CNTNAP2: variants seen among roughly 807,000 people sequenced by gnomAD.
The protein encoded by CNTNAP2 is contactin-associated protein-like 2.
CNTNAP2 carries 98 observed loss-of-function variants against 155.2 expected under a neutral mutation model. That is an observed-to-expected ratio of 0.63 (90% CI 0.54 to 0.75). The LOEUF (loss-of-function observed/expected upper bound fraction) is 0.75. Ranked by LOEUF, CNTNAP2 falls within the 30% of genes least tolerant of loss-of-function variation. The pLI, the probability that CNTNAP2 is intolerant of heterozygous loss-of-function variation, is 0.00. For missense variants in CNTNAP2, 1,727 were observed against 1,688.1 expected (o/e 1.02, Z -0.40); for synonymous variants, 651 against 631.2 (o/e 1.03, Z -0.47).
At chr7:146,304,095 CTT>C (rs550435247) in intron 1 of CNTNAP2, among the ~76,000 whole-genome samples, 20 of 132,486 alleles carry the variant, frequency 1.5e-4, no homozygotes, top group Admixed American at 3.8e-4. Flanking sequence ...GCAAACCCTG[CTT>C]TTTTTTTTTT....
chr7:147,550,873 A>G (rs1431935227), intron 11 of CNTNAP2, among the ~76,000 whole-genome samples: 1 of 152,236 alleles, frequency 6.6e-6, no homozygotes, highest in Non-Finnish European at 1.5e-5. Context: ...GATATAGTAT[A>G]TACGTTTGTG....
chr7:148,026,278 G>A (rs1433921030), intron 15 of CNTNAP2, among the ~76,000 whole-genome samples: 5 of 151,870 alleles, frequency 3.3e-5, no homozygotes, highest in East Asian at 1.9e-4. Context: ...GTGAGGCCTC[G>A]TCTCTACAAA....
chr7:148,068,644 G>A (rs1355631386), intron 15 of CNTNAP2, among the ~76,000 whole-genome samples: 1 of 152,200 alleles, frequency 6.6e-6, no homozygotes, highest in Non-Finnish European at 1.5e-5. Context: ...TTCATGAGGT[G>A]AGACCAGCAC....
At chr7:146,896,258 A>G (rs911836528) in intron 3 of CNTNAP2, among the ~76,000 whole-genome samples, 2 of 152,000 alleles carry the variant, frequency 1.3e-5, no homozygotes, top group East Asian at 1.9e-4. Context: ...ATCACCCCCA[A>G]CCCATTCCAA....
intron 15 of CNTNAP2, among the ~76,000 whole-genome samples, chr7:148,056,921 C>T (rs1404786865): frequency 1.3e-5 from 2 of 152,128 alleles, no homozygotes; most frequent in Non-Finnish European, 2.9e-5. Flanking sequence ...TTTTAGAGCC[C>T]AATCCTCATG....
chr7:147,392,650 C>T (rs552834434), intron 9 of CNTNAP2, among the ~76,000 whole-genome samples: 1 of 152,010 alleles, frequency 6.6e-6, no homozygotes, highest in Non-Finnish European at 1.5e-5. Context: ...GGATAATAGT[C>T]TCTAGTCCCA....
intron 13 of CNTNAP2, among the ~76,000 whole-genome samples, chr7:147,827,296 C>T (rs1054499578): frequency 4.6e-5 from 7 of 152,122 alleles, no homozygotes; most frequent in Admixed American, 2.6e-4. Context: ...CCTGACTTCC[C>T]TCTGCATGGT....
At chr7:148,204,965 T>C (rs1427876217) in intron 18 of CNTNAP2, among the ~76,000 whole-genome samples, 1 of 152,220 alleles carries the variant, frequency 6.6e-6, no homozygotes, top group Non-Finnish European at 1.5e-5. Flanking sequence ...TTAAATGAGA[T>C]AAAAAGTGCC....
intron 1 of CNTNAP2, among the ~76,000 whole-genome samples, chr7:146,733,749 C>T (rs943289389): frequency 2.6e-5 from 4 of 151,922 alleles, no homozygotes; most frequent in Non-Finnish European, 5.9e-5. Flanking sequence ...AGGAGCCAGA[C>T]AAGACTTGAG....
At chr7:147,024,839 A>C (rs1798873876) in intron 3 of CNTNAP2, among the ~76,000 whole-genome samples, 1 of 152,152 alleles carries the variant, frequency 6.6e-6, no homozygotes, top group Admixed American at 6.5e-5. Context: ...GGAAACTGTC[A>C]ATCATGGCGG....
At chr7:147,023,794 A>G (rs576061046) in intron 3 of CNTNAP2, among the ~76,000 whole-genome samples, 22 of 152,318 alleles carry the variant, frequency 1.4e-4, no homozygotes, top group African/African-American at 5.1e-4. Flanking sequence ...TGGAGATGTA[A>G]TTGAGTCCTC....
chr7:147,904,007 T>C (rs1451966456), intron 14 of CNTNAP2, among the ~76,000 whole-genome samples: 1 of 152,150 alleles, frequency 6.6e-6, no homozygotes, highest in East Asian at 1.9e-4. Flanking sequence ...GTGATTTGCA[T>C]TATAAAATGT....
chr7:148,287,771 T>C (rs1355720996), intron 21 of CNTNAP2, among the ~76,000 whole-genome samples: 1 of 149,252 alleles, frequency 6.7e-6, no homozygotes, highest in East Asian at 2.0e-4. Flanking sequence ...AGGTCTCTCT[T>C]CCTCTTTCTT....
At chr7:146,908,697 C>G (rs1433389970) in intron 3 of CNTNAP2, among the ~76,000 whole-genome samples, 27 of 133,954 alleles carry the variant, frequency 2.0e-4, no homozygotes, top group African/African-American at 7.7e-4. Flanking sequence ...CAAGAGAAAG[C>G]AGGAAAGATC....
intron 14 of CNTNAP2, among the ~76,000 whole-genome samples, chr7:147,974,837 G>A (rs757285817): frequency 1.6e-4 from 24 of 152,012 alleles, no homozygotes; most frequent in African/African-American, 5.8e-4. Flanking sequence ...ATAAATGAAG[G>A]CTAATAAGTA....
chr7:146,751,518 T>C (rs1449228711), intron 1 of CNTNAP2, among the ~76,000 whole-genome samples: 3 of 152,188 alleles, frequency 2.0e-5, no homozygotes, highest in Admixed American at 6.5e-5. Context: ...TCCTAAGTTT[T>C]TCCCAAGTAT....
At chr7:146,914,442 T>A (rs1464300522) in intron 3 of CNTNAP2, among the ~76,000 whole-genome samples, 4 of 152,102 alleles carry the variant, frequency 2.6e-5, no homozygotes, top group Admixed American at 2.0e-4. Flanking sequence ...TTTCAACACA[T>A]CCACGCCAAC....
intron 1 of CNTNAP2, among the ~76,000 whole-genome samples, chr7:146,316,481 T>A (rs568835419): frequency 1.4e-4 from 21 of 152,198 alleles, no homozygotes; most frequent in Non-Finnish European, 2.2e-4. Flanking sequence ...ATATTGGTTA[T>A]TTAGATAAAA....
intron 1 of CNTNAP2, among the ~76,000 whole-genome samples, chr7:146,438,534 T>A (rs919156503): frequency 6.6e-6 from 1 of 151,502 alleles, no homozygotes; most frequent in Non-Finnish European, 1.5e-5. Context: ...TGTTCATATT[T>A]ATATTTCTTT....
Sources: gnomAD v4.1 joint callset for allele counts (sites outside exome capture counted in the v4.1 genomes callset) on GRCh38, gnomAD v4.1.1 for gene constraint, MANE v1.5 for transcripts, NCBI Gene and HGNC (gene_info 2026-07-23, HGNC 2026-07-21) for gene names.